Variants in GAS2L3 observed in about 807,000 individuals in gnomAD.
GAS2L3 encodes the protein GAS2-like protein 3.
In GAS2L3, 28 loss-of-function variants were observed where a neutral mutation model predicts 37.0. That is an observed-to-expected ratio of 0.76 (90% CI 0.56 to 1.04). The LOEUF is 1.04. Ranked by LOEUF, GAS2L3 falls within the 50% of genes least tolerant of loss-of-function variation. GAS2L3 has a pLI of 0.00. For missense variants in GAS2L3, 793 were observed against 817.6 expected (o/e 0.97, Z 0.37); for synonymous variants, 290 against 296.6 (o/e 0.98, Z 0.23).
At chr12:100,615,644 T>C (rs954014923) in intron 6 of GAS2L3, among the ~76,000 whole-genome samples, 1 of 152,214 alleles carries the variant, frequency 6.6e-6, no homozygotes, top group Non-Finnish European at 1.5e-5. Flanking sequence ...AGGTCATTGA[T>C]CTATTTTAAG....
chr12:100,624,163 C>G lies in GAS2L3; in HGVS notation c.1358C>G (p.Ala453Gly). Residue 453 changes from alanine (A) to glycine (G), a missense_variant, in exon 10 of 10, where the codon GCA (alanine) becomes GGA (glycine). Physicochemically the swap from Ala to Gly is moderately conservative, Grantham distance 60. Transcript: ENST00000547754. The part of the protein sequence containing the change: ...KAKVIPAQNS[A>G]DLPESTLLPN... ...AAGGTTATTCCAGCCCAGAATTCAG[C>G]AGATCTGCCCGAGTCCACACTTTTG... 5 of 1,613,390 alleles carry G rather than the reference C, an allele frequency of 3.1e-6. No individual in the cohort carries two copies. Among genetic ancestry groups the G allele is most frequent in the Non-Finnish European group, 3.4e-6 (4 of 1,179,880 alleles).
At chr12:100,615,258 T>G (rs1487557781) in intron 6 of GAS2L3, among the ~76,000 whole-genome samples, 1 of 152,200 alleles carries the variant, frequency 6.6e-6, no homozygotes, top group African/African-American at 2.4e-5. Context: ...CTAAGGATAT[T>G]GAACATCTTT....
rs118157695 is a variant in GAS2L3, at chr12:100,617,066, G to T, written c.446-678G>T. 3.6e-3 allele frequency among the ~76,000 whole-genome samples: 526 copies of T among 144,558 alleles called. 2 individuals carry two copies. The highest frequency in any genetic ancestry group is 6.1e-3 in the Non-Finnish European group (404 of 65,994). 94.8% of individuals were successfully genotyped at this position (144,558 alleles called of 152,430 possible). A position where few individuals can be genotyped will look rare whatever the true frequency, so the allele number is the denominator to read the frequency against. On this transcript the variant is annotated intron_variant, in intron 6 of 9. Coordinates refer to ENST00000547754, the MANE Select transcript of GAS2L3 (RefSeq NM_174942.3). The stretch of plus-strand genomic sequence containing the variant: ...GTTGGATTTTGTGAAATACTTCTTT[G>T]TCTCTTGAGATAATTGGGTTTTTTT...
intron 2 of GAS2L3, chr12:100,593,820 C>T (rs1022189691): frequency 4.6e-5 from 7 of 152,130 alleles, no homozygotes; most frequent in Middle Eastern, 3.4e-3. Flanking sequence ...TGGCCTTTTG[C>T]TGTGGTGGAG....
In GAS2L3 at chr12:100,627,258, G is replaced by GTTGTT. The variant is rs1029206180; in HGVS notation, c.*2386_*2390dup. Among the ~76,000 whole-genome samples, 4 of 151,686 alleles carry GTTGTT rather than the reference G, an allele frequency of 2.6e-5. No homozygotes were observed. Among genetic ancestry groups the GTTGTT allele is most frequent in the Non-Finnish European group, 5.9e-5 (4 of 67,918 alleles). On this transcript the variant is annotated 3_prime_UTR_variant, in exon 10 of 10. Transcript: ENST00000547754. Reference sequence around the variant, plus strand: ...TCCAAAATAAAAGTGTTTTTTTAATGTTGTTTTGTTTTGTTTTGTTTTTTT... The same window carrying GTTGTT: ...TCCAAAATAAAAGTGTTTTTTTAATGTTGTTTTGTTTTGTTTTGTTTTGTTTTTTT...
intron 2 of GAS2L3, among the ~76,000 whole-genome samples, chr12:100,593,363 T>C (rs111714954): frequency 8.4e-4 from 128 of 152,288 alleles, no homozygotes; most frequent in African/African-American, 2.9e-3. Flanking sequence ...TTTTCTGTTA[T>C]GCAAGAAGGA....
chr12:100,598,439 T>C (rs1041698833), intron 3 of GAS2L3, among the ~76,000 whole-genome samples: 1 of 152,208 alleles, frequency 6.6e-6, no homozygotes, highest in Non-Finnish European at 1.5e-5. Context: ...GGAATTTTTA[T>C]CATTGCCTCC....
rs1956338670 is a variant in GAS2L3, at chr12:100,627,036, C to T, written c.*2146C>T. Among the ~76,000 whole-genome samples the T allele has an allele frequency of 6.7e-6, 1 of 150,264 alleles. No homozygotes were observed. The highest frequency in any genetic ancestry group is 2.5e-5 in the African/African-American group (1 of 40,814). ...CCCGGGAGGCAGAGGTTGCAGTGAG[C>T]CAAGATTGCGCCACTGCACTCCAGC... On this transcript the variant is annotated 3_prime_UTR_variant, in exon 10 of 10. Coordinates refer to ENST00000547754, the MANE Select transcript of GAS2L3 (RefSeq NM_174942.3).
intron 3 of GAS2L3, among the ~76,000 whole-genome samples, chr12:100,595,694 T>C (rs1423420279): frequency 6.6e-6 from 1 of 151,984 alleles, no homozygotes; most frequent in African/African-American, 2.4e-5. Context: ...CCCCTTTGAT[T>C]CTGAGATTCT....
rs765638872 is a variant in GAS2L3, at chr12:100,624,002, A to G, written c.1197A>G (p.Ser399=). 2.0e-5 allele frequency: 32 copies of G among 1,614,024 alleles called. No individual in the cohort carries two copies. The highest frequency in any genetic ancestry group is 2.6e-5 in the Non-Finnish European group (31 of 1,180,022). ...TAACGAAGAAACCGCAGGCTCCTTC[A>G]AACAATGCATCATCTTCACTTGCTT... ...KGITKKPQAP[S]NNASSSLASL... The change falls in exon 10 of 10, where the codon TCA becomes TCG. Residue 399 remains serine, a synonymous_variant. Transcript: ENST00000547754.
chr12:100,606,084 G>A (rs1340991288), intron 5 of GAS2L3, among the ~76,000 whole-genome samples: 1 of 151,716 alleles, frequency 6.6e-6, no homozygotes, highest in Non-Finnish European at 1.5e-5. Flanking sequence ...CTGAAAGTGG[G>A]GTGTTGAAGT....
In GAS2L3 at chr12:100,624,710, C is replaced by G. The variant is rs373091248; in HGVS notation, c.1905C>G (p.Val635=). ...TQTAPKSAQT[V]AKSQHSTKGP... is the part of the protein sequence containing the mutation. The stretch of plus-strand genomic sequence containing the variant: ...CTGCACCGAAGTCAGCACAGACTGT[C>G]GCTAAGAGCCAGCATTCAACTAAAG... The change falls in exon 10 of 10, where the codon GTC becomes GTG. Residue 635 remains valine, a synonymous_variant. Transcript: ENST00000547754. 1.2e-6 allele frequency: 2 copies of G among 1,613,922 alleles called. No individual in the cohort carries two copies. Among genetic ancestry groups the G allele is most frequent in the African/African-American group, 1.3e-5 (1 of 74,888 alleles).
intron 5 of GAS2L3, among the ~76,000 whole-genome samples, 171 bp from the exon 6 acceptor site, chr12:100,611,829 C>T (rs1956130132): frequency 6.6e-6 from 1 of 152,030 alleles, no homozygotes; most frequent in Non-Finnish European, 1.5e-5. Flanking sequence ...GGGTTGGGGA[C>T]CTCTGCTTTA....
At chr12:100,623,489 G>A in intron 9 of GAS2L3, 73 bp from the exon 10 acceptor site, 1 of 1,365,286 alleles carries the variant, frequency 7.3e-7, no homozygotes. Context: ...ATCACATATT[G>A]TAACTGCTAA....
intron 6 of GAS2L3, 101 bp from the exon 7 acceptor site, chr12:100,617,643 G>T (rs60123844): frequency 1.2e-5 from 9 of 742,154 alleles, no homozygotes; most frequent in Non-Finnish European, 2.1e-5. Flanking sequence ...TAAACCTGCT[G>T]TCTTCATTAT....
intron 2 of GAS2L3, among the ~76,000 whole-genome samples, chr12:100,593,436 A>T (rs774957114): frequency 1.3e-5 from 2 of 152,166 alleles, no homozygotes; most frequent in African/African-American, 4.8e-5. Flanking sequence ...TTGTGCATAA[A>T]TTCTTTATTT....
rs893818310 is a variant in GAS2L3, at chr12:100,612,096, G to A, written c.400G>A (p.Asp134Asn). ...NTANFLHWCR[D>N]IGVDETYLFE... is the part of the protein sequence containing the mutation. Reference sequence around the variant, plus strand: ...CGCAAACTTCCTTCACTGGTGTAGGGACATTGGGGTTGATGAAACTTACCT... The same window carrying A: ...CGCAAACTTCCTTCACTGGTGTAGGAACATTGGGGTTGATGAAACTTACCT... Residue 134 changes from aspartate to asparagine, a missense_variant, in exon 6 of 10, where the codon GAC (aspartate) becomes AAC (asparagine). Coordinates refer to ENST00000547754, the MANE Select transcript of GAS2L3 (RefSeq NM_174942.3). The A allele has an allele frequency of 4.3e-6, 7 of 1,611,578 alleles. No individual in the cohort carries two copies. In the Admixed American group the frequency reaches 6.7e-5, roughly 15 times the overall value.
chr12:100,619,625 CAT>C (rs1491415784), intron 8 of GAS2L3, among the ~76,000 whole-genome samples: 2 of 151,704 alleles, frequency 1.3e-5, no homozygotes, highest in Non-Finnish European at 2.9e-5. Flanking sequence ...TTATGCTATT[CAT>C]GTGTGTGTGT....
chr12:100,579,767 A>G, intron 1 of GAS2L3: 1 of 719,876 alleles, frequency 1.4e-6, no homozygotes, highest in Non-Finnish European at 2.5e-6. Flanking sequence ...TGCTTCCGGA[A>G]AATCTTACTA....
Sources: allele counts gnomAD v4.1 joint callset (sites outside exome capture counted in the v4.1 genomes callset), GRCh38; gene constraint gnomAD v4.1.1; transcripts MANE v1.5; gene names NCBI Gene and HGNC (gene_info 2026-07-23, HGNC 2026-07-21).